DPP6: variants seen among roughly 807,000 people sequenced by gnomAD.
DPP6 encodes the protein dipeptidyl peptidase like 6, also known as A-type potassium channel modulatory protein DPP6.
In DPP6, 69 loss-of-function variants were observed where a neutral mutation model predicts 122.6. The observed-to-expected ratio is 0.56, with a 90% CI of 0.46 to 0.69. The LOEUF is 0.69. Ranked by LOEUF, DPP6 falls within the 30% of genes least tolerant of loss-of-function variation. DPP6 has a pLI of 0.00. For synonymous variants in DPP6, 418 were observed against 433.1 expected (o/e 0.97, Z 0.43); for missense variants, 928 against 1,116.9 (o/e 0.83, Z 2.41).
intron 1 of DPP6, among the ~76,000 whole-genome samples, chr7:153,944,157 C>G (rs1464846179): frequency 6.6e-6 from 1 of 152,198 alleles, no homozygotes; most frequent in East Asian, 1.9e-4. Flanking sequence ...CTCGTTAGCA[C>G]GCTCCTTCCA....
At chr7:154,886,768 G>A (rs1806185314) in intron 22 of DPP6, among the ~76,000 whole-genome samples, 1 of 152,208 alleles carries the variant, frequency 6.6e-6, no homozygotes, top group African/African-American at 2.4e-5. Context: ...TAGCCCTGCT[G>A]TGCTGGCCGA....
intron 4 of DPP6, among the ~76,000 whole-genome samples, chr7:154,553,707 A>C (rs578189646): frequency 6.6e-6 from 1 of 152,286 alleles, no homozygotes; most frequent in African/African-American, 2.4e-5. Flanking sequence ...ATCCAGCTGT[A>C]GCCTTGGTCG....
chr7:153,907,217 C>G lies in DPP6; in HGVS notation c.51+19483C>G, dbSNP rs371380036. Among the ~76,000 whole-genome samples, 41 of 152,226 alleles carry G rather than the reference C, an allele frequency of 2.7e-4. No homozygotes were observed. The East Asian group carries it at 3.7e-3, about 14-fold the overall frequency. On this transcript the variant is annotated intron_variant, in intron 1 of 25. Coordinates refer to the DPP6 transcript ENST00000404039. The stretch of plus-strand genomic sequence containing the variant: ...CTTTCTGAGTGCTGTAAGATGGTAT[C>G]TCATTGTGGCTTTAATTTGCACTTC...
At chr7:154,321,061 G>A (rs1328035322) in intron 1 of DPP6, among the ~76,000 whole-genome samples, 1 of 152,062 alleles carries the variant, frequency 6.6e-6, no homozygotes, top group Admixed American at 6.6e-5. Context: ...TACACTTGCA[G>A]CTTTCACCAA....
chr7:154,777,420 A>T (rs908561734), intron 10 of DPP6, among the ~76,000 whole-genome samples: 3 of 152,196 alleles, frequency 2.0e-5, no homozygotes, highest in Non-Finnish European at 4.4e-5. Context: ...CCTTGGGCTA[A>T]TGCAGGGACC....
At position 154,446,343 on chromosome 7, in the gene DPP6, C is replaced by A; in HGVS notation, c.358+15C>A. The stretch of plus-strand genomic sequence containing the variant: ...TCTGACACCAGGTACTGTATTCATT[C>A]TTGGAAAAGCAAGTCGCTGTCAGAG... On this transcript the variant is annotated intron_variant, in intron 2 of 25. Transcript: ENST00000377770. 6.3e-7 allele frequency: 1 copy of A among 1,585,694 alleles called. No homozygotes were observed. Among genetic ancestry groups the A allele is most frequent in the East Asian group, 2.3e-5 (1 of 44,252 alleles).
At chr7:154,511,880 G>T (rs1826119259) in intron 3 of DPP6, among the ~76,000 whole-genome samples, 1 of 152,164 alleles carries the variant, frequency 6.6e-6, no homozygotes, top group Admixed American at 6.5e-5. Context: ...TGCTGTAAAT[G>T]ATCCTAATAG....
Position 154,884,227 on chromosome 7 carries a change from TCACA to T in DPP6, c.2134-1397_2134-1394del, listed in dbSNP as rs142035803. ...CACATACACGATTACATGCACCTGC[TCACA>T]CACACACATGCTCACAAATTACATA... On this transcript the variant is annotated intron_variant, in intron 21 of 25. Transcript: ENST00000377770. The T allele has an allele frequency of 5.8e-4, 84 of 144,634 alleles. 1 individual carries two copies. Among genetic ancestry groups the T allele is most frequent in the Non-Finnish European group, 5.9e-4 (39 of 66,388 alleles). 9.0% of individuals were successfully genotyped at this position (144,634 alleles called of 1,614,324 possible).
chr7:154,808,388 AG>A (rs1022361281), intron 16 of DPP6, among the ~76,000 whole-genome samples: 1 of 152,274 alleles, frequency 6.6e-6, no homozygotes, highest in East Asian at 1.9e-4. Context: ...CGGAGGGATG[AG>A]GGGGGTGCGA....
intron 1 of DPP6, among the ~76,000 whole-genome samples, chr7:154,353,202 G>A (rs2151083746): frequency 6.6e-6 from 1 of 152,322 alleles, no homozygotes; most frequent in East Asian, 1.9e-4. Context: ...TCTGTTTAAA[G>A]AAGCAGGCCT....
At position 154,486,053 on chromosome 7, in the gene DPP6, G is replaced by A. The variant is rs896442343; in HGVS notation, c.457+11016G>A. ...TAAATCACTTTTTCAAAGTTACCAA[G>A]ATGGCTTTAGAGAATCCAGGGTGTT... On this transcript the variant is annotated intron_variant, in intron 3 of 25. Coordinates refer to ENST00000377770, the MANE Select transcript of DPP6 (RefSeq NM_130797.4). This position sits in a 1 kb window ranked among gnomAD's most constrained non-coding sequence, Gnocchi z 4.5. Among the ~76,000 whole-genome samples the A allele has an allele frequency of 2.7e-5, 4 of 150,538 alleles. No homozygotes were observed. Among genetic ancestry groups the A allele is most frequent in the African/African-American group, 9.8e-5 (4 of 40,918 alleles).
At chr7:153,940,481 T>C (rs1389921236) in intron 1 of DPP6, among the ~76,000 whole-genome samples, 4 of 151,974 alleles carry the variant, frequency 2.6e-5, no homozygotes, top group African/African-American at 9.7e-5. Flanking sequence ...CTCTATGAGG[T>C]TGTACTAGGT....
intron 1 of DPP6, among the ~76,000 whole-genome samples, chr7:154,353,790 T>G (rs1191903586): frequency 6.6e-6 from 1 of 152,140 alleles, no homozygotes; most frequent in African/African-American, 2.4e-5. Flanking sequence ...GATACTAGCT[T>G]TATATGAAAA....
intron 8 of DPP6, among the ~76,000 whole-genome samples, chr7:154,756,322 C>T (rs1843666276): frequency 6.6e-6 from 1 of 151,944 alleles, no homozygotes; most frequent in Non-Finnish European, 1.5e-5. Flanking sequence ...TCCTCTGCTC[C>T]CTCAGTTGGG....
intron 1 of DPP6, among the ~76,000 whole-genome samples, chr7:153,927,618 G>A (rs11765516): frequency 0.95 from 144,482 of 152,316 alleles, 68,536 homozygotes; most frequent in East Asian, 1. Context: ...ACATCATGTC[G>A]TCTTAAAAGT....
intron 1 of DPP6, among the ~76,000 whole-genome samples, chr7:154,345,597 C>T (rs1431277562): frequency 1.3e-5 from 2 of 152,020 alleles, no homozygotes; most frequent in East Asian, 3.9e-4. Flanking sequence ...GGTGGATTTG[C>T]TTAGTCTTGG....
intron 25 of DPP6, among the ~76,000 whole-genome samples, chr7:154,891,561 C>T (rs1212918900): frequency 6.6e-6 from 1 of 152,162 alleles, no homozygotes; most frequent in African/African-American, 2.4e-5. Context: ...GGGGTGGGCC[C>T]GTGGGCACCC....
At chr7:154,124,754 G>A (rs567642845) in intron 1 of DPP6, among the ~76,000 whole-genome samples, 13 of 152,302 alleles carry the variant, frequency 8.5e-5, no homozygotes, top group African/African-American at 2.4e-4. Flanking sequence ...AGGGAAGGGC[G>A]GGAGGATGGG....
At chr7:154,507,167 A>C (rs970152484) in intron 3 of DPP6, among the ~76,000 whole-genome samples, 17 of 152,218 alleles carry the variant, frequency 1.1e-4, no homozygotes, top group African/African-American at 3.6e-4. Flanking sequence ...GAGTGATGGA[A>C]GGCTCTTGAT....
Sources: allele counts gnomAD v4.1 joint callset (sites outside exome capture counted in the v4.1 genomes callset), GRCh38; gene constraint gnomAD v4.1.1; non-coding constraint Gnocchi (gnomAD v3.1); transcripts MANE v1.5; gene names NCBI Gene and HGNC (gene_info 2026-07-23, HGNC 2026-07-21).